HBEGF: variants seen among roughly 807,000 people sequenced by gnomAD.
HBEGF encodes the protein proheparin-binding EGF-like growth factor.
A neutral mutation model predicts 19.5 loss-of-function variants in HBEGF; 8 were observed. The observed-to-expected ratio is 0.41, with a 90% confidence interval of 0.24 to 0.74. The LOEUF (loss-of-function observed/expected upper bound fraction) is 0.74, where lower values mean the gene tolerates loss of function less well. HBEGF is among the 30% of genes least tolerant of loss of function. The pLI is 0.32. For missense variants in HBEGF, 207 were observed against 256.9 expected (o/e 0.81, Z 1.33); for synonymous variants, 97 against 108.9 (o/e 0.89, Z 0.68).
At position 140,346,329 on chromosome 5, in the gene HBEGF, G is replaced by A. The variant is rs1263051465; in HGVS notation, c.-1C>T. 1 of 1,608,246 alleles carries A rather than the reference G, an allele frequency of 6.2e-7. No homozygotes were observed. Among genetic ancestry groups the A allele is most frequent in the African/African-American group, 1.3e-5 (1 of 74,738 alleles). ...GCACCACCGACGGCAGCAGCTTCAT[G>A]GTCCCGCACCGAGAGGAGGCGGCGA... On this transcript the variant is annotated 5_prime_UTR_variant, in exon 1 of 6. Coordinates refer to ENST00000230990, the MANE Select transcript of HBEGF (RefSeq NM_001945.3). This position sits in a 1 kb window ranked among gnomAD's most constrained non-coding sequence, Gnocchi z 6.1.
At chr5:140,343,388 G>A (rs1766345482) in intron 2 of HBEGF, among the ~76,000 whole-genome samples, 1 of 152,178 alleles carries the variant, frequency 6.6e-6, no homozygotes, top group South Asian at 2.1e-4. Context: ...GGCAGAGCCT[G>A]GCTCAGGAAC....
At chr5:140,335,759 C>T (rs1766218417) in intron 4 of HBEGF, 113 bp downstream of exon 4, 1 of 1,152,356 alleles carries the variant, frequency 8.7e-7, no homozygotes, top group Non-Finnish European at 1.3e-6. Context: ...CGGAGCTAGC[C>T]CATGATTTGG....
At chr5:140,339,315 A>G (rs1766273424) in intron 3 of HBEGF, among the ~76,000 whole-genome samples, 1 of 152,174 alleles carries the variant, frequency 6.6e-6, no homozygotes, top group Non-Finnish European at 1.5e-5. Context: ...GTTTTCCTCC[A>G]GCCACAGGAA....
At chr5:140,340,526 T>C (rs1766291807) in intron 3 of HBEGF, among the ~76,000 whole-genome samples, 1 of 129,024 alleles carries the variant, frequency 7.8e-6, no homozygotes, top group Non-Finnish European at 1.5e-5. Flanking sequence ...GAGGTTGCAG[T>C]GAGCTGAGAT....
chr5:140,343,679 A>G (rs1651326520), intron 2 of HBEGF, among the ~76,000 whole-genome samples: 1 of 152,242 alleles, frequency 6.6e-6, no homozygotes. Context: ...CCAGATATCC[A>G]GCTGGGATTG....
chr5:140,341,766 T>C (rs2237075), intron 3 of HBEGF, among the ~76,000 whole-genome samples: 46,897 of 152,084 alleles, frequency 0.31, 7,748 homozygotes, highest in African/African-American at 0.41. Flanking sequence ...GGGAAGGGAA[T>C]GGATGTTTGC....
Position 140,334,002 on chromosome 5 carries a change from A to T in HBEGF, c.*297T>A, listed in dbSNP as rs1002096244. On this transcript the variant is annotated 3_prime_UTR_variant, in exon 6 of 6. Coordinates refer to ENST00000230990, the MANE Select transcript of HBEGF (RefSeq NM_001945.3). ...AACCGGCATTCTAATCCAGAAGATA[A>T]GTGTTTAAACAAACTTATGAGGGGA... The T allele has an allele frequency of 6.6e-6, 1 of 152,538 alleles. No individual in the cohort carries two copies. Among genetic ancestry groups the T allele is most frequent in the Non-Finnish European group, 1.5e-5 (1 of 68,032 alleles). The allele number at this position is 152,538 out of a possible 1,614,324, so 9.4% of individuals were successfully genotyped here.
At position 140,346,542 on chromosome 5, in the gene HBEGF, G is replaced by A. The variant is rs1766404072; in HGVS notation, c.-214C>T. The A allele has an allele frequency of 1.7e-6, 1 of 601,800 alleles. No homozygotes were observed. The highest frequency in any genetic ancestry group is 2.9e-6 in the Non-Finnish European group (1 of 343,134). The allele number at this position is 601,800 out of a possible 1,614,324, so 37.3% of individuals were successfully genotyped here. ...ACTCAGCCCGCCCGCGCGGCCGCCC[G>A]ACCCCGCGCGCCTAGGTCAGGCCAG... On this transcript the variant is annotated 5_prime_UTR_variant, in exon 1 of 6. Transcript: ENST00000230990. The surrounding 1 kb of genome is among the most constrained non-coding windows in gnomAD (Gnocchi z 6.1).
At chr5:140,336,286 T>C (rs975248217) in intron 3 of HBEGF, among the ~76,000 whole-genome samples, 4 of 152,200 alleles carry the variant, frequency 2.6e-5, no homozygotes, top group Non-Finnish European at 4.4e-5. Flanking sequence ...AATCCTGTTC[T>C]AGGCATGGAA....
At chr5:140,339,760 G>A (rs908971906) in intron 3 of HBEGF, among the ~76,000 whole-genome samples, 5 of 152,196 alleles carry the variant, frequency 3.3e-5, no homozygotes, top group Admixed American at 2.0e-4. Context: ...CATGGTGGCT[G>A]CAGAGGGCTA....
chr5:140,336,890 C>T (rs1050241136), intron 3 of HBEGF, among the ~76,000 whole-genome samples: 5 of 138,156 alleles, frequency 3.6e-5, no homozygotes, highest in Non-Finnish European at 7.5e-5. Context: ...AGTGCAGTGG[C>T]GCAATCTTGG....
chr5:140,342,534 C>G, intron 3 of HBEGF, 101 bp downstream of exon 3: 7 of 1,171,430 alleles, frequency 6.0e-6, no homozygotes, highest in Non-Finnish European at 8.7e-6. Context: ...TGAGAAGAAA[C>G]TGGGTGAAAT....
At chr5:140,344,587 G>C (rs1766365833) in intron 2 of HBEGF, among the ~76,000 whole-genome samples, 2 of 151,974 alleles carry the variant, frequency 1.3e-5, no homozygotes. Context: ...TCCTTGCCCA[G>C]CAAAGCCAAA....
At position 140,346,585 on chromosome 5, in the gene HBEGF, G is replaced by A. The variant is rs1337530535; in HGVS notation, c.-257C>T. Reference sequence around the variant, plus strand: ...CAGGCCAGCCAGCAGCGTGGCCCGCGTAGCTCCTTCGGCCGAATGAGCGCT... The same window carrying A: ...CAGGCCAGCCAGCAGCGTGGCCCGCATAGCTCCTTCGGCCGAATGAGCGCT... On this transcript the variant is annotated 5_prime_UTR_variant, in exon 1 of 6. It adds an upstream start codon to the 5' untranslated region. Coordinates refer to ENST00000230990, the MANE Select transcript of HBEGF (RefSeq NM_001945.3). The surrounding 1 kb of genome is among the most constrained non-coding windows in gnomAD (Gnocchi z 6.1). 5 of 534,936 alleles carry A rather than the reference G, an allele frequency of 9.3e-6. No homozygotes were observed. In the Admixed American group the frequency reaches 1.0e-4, roughly 11 times the overall value. 33.1% of individuals were successfully genotyped at this position (534,936 alleles called of 1,614,324 possible). A position where few individuals can be genotyped will look rare whatever the true frequency, so the allele number is the denominator to read the frequency against.
intron 3 of HBEGF, among the ~76,000 whole-genome samples, chr5:140,336,828 C>CTTTTTTTTTTT (rs1160533557): frequency 1.1e-4 from 14 of 129,810 alleles, no homozygotes; most frequent in South Asian, 2.4e-4. Flanking sequence ...TTTTCTTTTT[C>CTTTTTTTTTTT]TTTTTTTTTT....
chr5:140,339,339 T>C (rs1766273617), intron 3 of HBEGF, among the ~76,000 whole-genome samples: 1 of 152,196 alleles, frequency 6.6e-6, no homozygotes, highest in Non-Finnish European at 1.5e-5. Flanking sequence ...CTGCAGCCAA[T>C]TTCTGGGTAG....
chr5:140,345,775 C>T, intron 2 of HBEGF, 136 bp downstream of exon 2: 3 of 1,015,818 alleles, frequency 3.0e-6, no homozygotes, highest in East Asian at 2.5e-5. Context: ...CAGTGCCCAT[C>T]AGGCCGATCA....
chr5:140,334,489 T>A (rs1487151390), intron 5 of HBEGF, among the ~76,000 whole-genome samples, 169 bp downstream of exon 5: 3 of 152,194 alleles, frequency 2.0e-5, no homozygotes, highest in African/African-American at 7.2e-5. Flanking sequence ...TAGCAACTTT[T>A]ACCTTAAGTG....
chr5:140,337,827 C>T (rs1467091705), intron 3 of HBEGF, among the ~76,000 whole-genome samples: 1 of 152,188 alleles, frequency 6.6e-6, no homozygotes, highest in Admixed American at 6.5e-5. Context: ...CCCTATCCTG[C>T]CAGGACATAG....
Sources: allele counts gnomAD v4.1 joint callset (sites outside exome capture counted in the v4.1 genomes callset), GRCh38; gene constraint gnomAD v4.1.1; non-coding constraint Gnocchi (gnomAD v3.1); transcripts MANE v1.5; gene names NCBI Gene and HGNC (gene_info 2026-07-23, HGNC 2026-07-21).